The following SCFD2 variants were observed in gnomAD, a reference collection of about 807,000 sequenced individuals.
The protein encoded by SCFD2 is sec1 family domain-containing protein 2.
A neutral mutation model predicts 58.9 loss-of-function variants in SCFD2; 54 were observed. The observed-to-expected ratio is 0.92, with a 90% confidence interval of 0.74 to 1.15. The LOEUF is 1.15. SCFD2 is among the 50% of genes most tolerant of loss of function. The probability of loss-of-function intolerance (pLI) is 0.00; values close to 1 mark genes in which losing one functional copy is unlikely to be tolerated. For synonymous variants in SCFD2, 321 were observed against 335.9 expected, an observed-to-expected ratio of 0.96 and a Z score of 0.49; for missense variants, 805 against 836.6, an observed-to-expected ratio of 0.96 and a Z score of 0.47.
intron 5 of SCFD2, among the ~76,000 whole-genome samples, chr4:53,076,505 A>G (rs1723979392): frequency 6.6e-6 from 1 of 151,878 alleles, no homozygotes; most frequent in African/African-American, 2.4e-5. Flanking sequence ...ACTCATTCCC[A>G]AGCCACTCCG....
intron 4 of SCFD2, among the ~76,000 whole-genome samples, chr4:53,188,261 T>C (rs1727792923): frequency 6.6e-6 from 1 of 152,162 alleles, no homozygotes; most frequent in African/African-American, 2.4e-5. Flanking sequence ...GTAGAAACAC[T>C]TCCAATCTGT....
At chr4:53,303,367 G>A (rs1216292066) in intron 3 of SCFD2, among the ~76,000 whole-genome samples, 1 of 152,172 alleles carries the variant, frequency 6.6e-6, no homozygotes, top group Non-Finnish European at 1.5e-5. Context: ...ATCATCACTG[G>A]TCATCAGAGA....
At chr4:53,101,850 A>T (rs922549912) in intron 5 of SCFD2, among the ~76,000 whole-genome samples, 1 of 151,280 alleles carries the variant, frequency 6.6e-6, no homozygotes, top group African/African-American at 2.4e-5. Context: ...CATCCCAATT[A>T]AAAAAAAACC....
At chr4:53,339,173 G>A (rs1196327020) in intron 2 of SCFD2, among the ~76,000 whole-genome samples, 1 of 151,988 alleles carries the variant, frequency 6.6e-6, no homozygotes, top group Non-Finnish European at 1.5e-5. Flanking sequence ...ATACTCAAAT[G>A]TGATTCTAAA....
At chr4:53,199,873 T>C (rs1728172928) in intron 4 of SCFD2, among the ~76,000 whole-genome samples, 1 of 152,072 alleles carries the variant, frequency 6.6e-6, no homozygotes, top group South Asian at 2.1e-4. Flanking sequence ...AGGGCTCTCT[T>C]CCTGCTTGCA....
chr4:52,920,958 G>T, intron 5 of SCFD2, 88 bp from the exon 6 acceptor site: 6 of 660,890 alleles, frequency 9.1e-6, no homozygotes, highest in South Asian at 4.0e-5. Context: ...GTAGTTGGGA[G>T]GTTTTTTTTT....
chr4:53,258,040 C>T (rs1730701362), intron 4 of SCFD2, among the ~76,000 whole-genome samples: 1 of 152,056 alleles, frequency 6.6e-6, no homozygotes. Flanking sequence ...TATCATTGAT[C>T]GAGGGCCATA....
chr4:53,116,119 C>A (rs764426350), intron 5 of SCFD2, among the ~76,000 whole-genome samples: 2 of 152,106 alleles, frequency 1.3e-5, no homozygotes, highest in Non-Finnish European at 2.9e-5. Context: ...AATACTAGGA[C>A]ACTTTTTTGA....
intron 5 of SCFD2, chr4:52,957,430 T>C (rs1720737029): frequency 6.6e-6 from 1 of 152,078 alleles, no homozygotes; most frequent in Admixed American, 6.5e-5. Context: ...TAAAAAAAAA[T>C]GTTGGCAGCT....
chr4:53,058,395 C>A, intron 5 of SCFD2, among the ~76,000 whole-genome samples: 1 of 151,720 alleles, frequency 6.6e-6, no homozygotes, highest in South Asian at 2.1e-4. Flanking sequence ...ATATAGTTAA[C>A]TGTATATTTA....
Position 52,978,055 on chromosome 4 carries a change from TG to T in SCFD2, c.1562-57186del, listed in dbSNP as rs562751385. 2.6e-4 allele frequency among the ~76,000 whole-genome samples: 40 copies of T among 152,340 alleles called. No homozygotes were observed. The East Asian group carries it at 6.4e-3, about 24-fold the overall frequency. The stretch of plus-strand genomic sequence containing the variant: ...CAAAATAGACTGTTTTGTTCACTGC[TG>T]TATCTCCAGTCCTTGGAGCAGTTGC... On this transcript the variant is annotated intron_variant, in intron 5 of 8. Transcript: ENST00000401642.
intron 4 of SCFD2, among the ~76,000 whole-genome samples, chr4:53,188,930 A>C (rs1471870949): frequency 6.6e-6 from 1 of 151,688 alleles, no homozygotes; most frequent in African/African-American, 2.4e-5. Flanking sequence ...TATTTAGGGG[A>C]CTCTCCCATT....
At chr4:53,175,940 T>A (rs1390969922) in intron 4 of SCFD2, among the ~76,000 whole-genome samples, 1 of 152,224 alleles carries the variant, frequency 6.6e-6, no homozygotes, top group Non-Finnish European at 1.5e-5. Flanking sequence ...AACCCAAGAC[T>A]GTGAATTTAT....
chr4:53,204,559 G>T (rs769389426), intron 4 of SCFD2, among the ~76,000 whole-genome samples: 2 of 150,810 alleles, frequency 1.3e-5, no homozygotes, highest in Admixed American at 6.6e-5. Context: ...CAAACAAGAG[G>T]AAAAAGGTTA....
At chr4:53,331,287 A>G (rs1192462634) in intron 2 of SCFD2, among the ~76,000 whole-genome samples, 1 of 151,420 alleles carries the variant, frequency 6.6e-6, no homozygotes, top group Non-Finnish European at 1.5e-5. Flanking sequence ...AATCAACAGA[A>G]TATACATTTT....
At chr4:53,357,062 T>C (rs192736954) in intron 1 of SCFD2, among the ~76,000 whole-genome samples, 18 of 152,272 alleles carry the variant, frequency 1.2e-4, no homozygotes, top group Non-Finnish European at 2.5e-4. Context: ...ACTGGAAGGA[T>C]TTGGATATTT....
At chr4:53,154,820 T>C (rs1464563781) in intron 4 of SCFD2, among the ~76,000 whole-genome samples, 1 of 148,404 alleles carries the variant, frequency 6.7e-6, no homozygotes, top group Non-Finnish European at 1.5e-5. Flanking sequence ...AGAGGACTTT[T>C]CCTGGCTGTG....
chr4:52,917,923 T>C (rs1719646233), intron 6 of SCFD2, among the ~76,000 whole-genome samples: 1 of 152,174 alleles, frequency 6.6e-6, no homozygotes, highest in Admixed American at 6.5e-5. Flanking sequence ...CAGGAGTGGC[T>C]CTGAGACTTA....
intron 5 of SCFD2, among the ~76,000 whole-genome samples, chr4:53,046,047 T>A (rs77884360): frequency 6.6e-6 from 1 of 152,068 alleles, no homozygotes; most frequent in Non-Finnish European, 1.5e-5. Flanking sequence ...CACACAGCTA[T>A]GAAGGTGCAG....
Sources: gnomAD v4.1 joint callset for allele counts (sites outside exome capture counted in the v4.1 genomes callset) on GRCh38, gnomAD v4.1.1 for gene constraint, MANE v1.5 for transcripts, NCBI Gene and HGNC (gene_info 2026-07-23, HGNC 2026-07-21) for gene names.